Variants in ANO3 observed in about 807,000 individuals in gnomAD.
ANO3 encodes anoctamin-3.
A neutral mutation model predicts 144.8 loss-of-function variants in ANO3; 99 were observed. The ratio of observed to expected loss-of-function variants is 0.68; its 90% CI spans 0.58 to 0.81. ANO3 has a LOEUF of 0.81. Ranked by LOEUF, ANO3 falls within the 30% of genes least tolerant of loss-of-function variation. The pLI is 0.00. For missense variants in ANO3, 905 were observed against 1,202.2 expected, an observed-to-expected ratio of 0.75 and a Z score of 3.66; for synonymous variants, 414 against 392.6, an observed-to-expected ratio of 1.05 and a Z score of -0.64.
In ANO3 at chr11:26,389,356, T is replaced by G. The variant is rs138859347; in HGVS notation, c.47-52562T>G. ...TTCTTCATCAATACAATGGGGATAT[T>G]AATCATAGGTACCTACCTTATAAGA... is the stretch of plus-strand genomic sequence containing the variant. On this transcript the variant is annotated intron_variant, in intron 1 of 26. Transcript: ENST00000256737. 2.3e-3 allele frequency among the ~76,000 whole-genome samples: 356 copies of G among 152,170 alleles called. No homozygotes were observed. In the Middle Eastern group the frequency reaches 0.024, roughly 10 times the overall value.
chr11:26,590,862 C>G (rs1013801618), intron 14 of ANO3, among the ~76,000 whole-genome samples: 1 of 152,008 alleles, frequency 6.6e-6, no homozygotes, highest in Non-Finnish European at 1.5e-5. Context: ...GTAACAAACA[C>G]GGACCAGAAG....
intron 1 of ANO3, among the ~76,000 whole-genome samples, chr11:26,382,092 C>A (rs1199143975): frequency 1.3e-5 from 2 of 152,076 alleles, no homozygotes; most frequent in African/African-American, 2.4e-5. Flanking sequence ...TATATGAAAT[C>A]TATCTATTAA....
At chr11:26,513,318 A>C (rs1202649718) in intron 5 of ANO3, among the ~76,000 whole-genome samples, 1 of 152,206 alleles carries the variant, frequency 6.6e-6, no homozygotes, top group Non-Finnish European at 1.5e-5. Flanking sequence ...TGTGAGAAGG[A>C]TAGGCCACTG....
At chr11:26,394,991 G>C (rs1457994404) in intron 1 of ANO3, among the ~76,000 whole-genome samples, 1 of 152,108 alleles carries the variant, frequency 6.6e-6, no homozygotes, top group Non-Finnish European at 1.5e-5. Flanking sequence ...TATCTTTTCA[G>C]AGACCTCTGG....
intron 1 of ANO3, among the ~76,000 whole-genome samples, chr11:26,404,768 A>G (rs1369644014): frequency 6.6e-6 from 1 of 151,808 alleles, no homozygotes; most frequent in Non-Finnish European, 1.5e-5. Context: ...GTGGAGAAAT[A>G]CAATAGCAGT....
intron 1 of ANO3, among the ~76,000 whole-genome samples, chr11:26,280,893 T>C (rs1336876635): frequency 6.6e-6 from 1 of 152,172 alleles, no homozygotes; most frequent in Admixed American, 6.5e-5. Context: ...ATAGATTTTA[T>C]AGCACAGCAA....
At chr11:26,533,868 G>A (rs977999583) in intron 8 of ANO3, among the ~76,000 whole-genome samples, 13 of 152,150 alleles carry the variant, frequency 8.5e-5, no homozygotes, top group African/African-American at 1.7e-4. Context: ...AACAGAAAAT[G>A]TCAGAAGTTG....
chr11:26,563,322 C>G, intron 14 of ANO3: 1 of 1,501,454 alleles, frequency 6.7e-7, no homozygotes, highest in South Asian at 1.3e-5. Context: ...GAACCGAACT[C>G]TATGCATGTG....
intron 1 of ANO3, among the ~76,000 whole-genome samples, chr11:26,296,001 G>A (rs550427988): frequency 1.3e-5 from 2 of 152,298 alleles, no homozygotes; most frequent in South Asian, 2.1e-4. Flanking sequence ...AGAGGGGAAT[G>A]GTTGCAATAG....
intron 1 of ANO3, among the ~76,000 whole-genome samples, chr11:26,301,408 T>A (rs1011113686): frequency 1.2e-4 from 19 of 152,208 alleles, no homozygotes; most frequent in Non-Finnish European, 2.6e-4. Context: ...AATTTTAAAA[T>A]AGCAGCATAA....
intron 1 of ANO3, among the ~76,000 whole-genome samples, chr11:26,304,359 C>G (rs963511856): frequency 9.2e-5 from 14 of 151,986 alleles, no homozygotes; most frequent in Non-Finnish European, 1.9e-4. Context: ...TAACTAGGAC[C>G]TAGTGAGGAG....
intron 1 of ANO3, among the ~76,000 whole-genome samples, chr11:26,348,286 G>A (rs1590281000): frequency 1.3e-5 from 2 of 152,060 alleles, no homozygotes; most frequent in African/African-American, 4.8e-5. Context: ...GATACTTTTT[G>A]TCAAATAGAA....
At chr11:26,455,202 T>C (rs1393988381) in intron 3 of ANO3, among the ~76,000 whole-genome samples, 2 of 150,212 alleles carry the variant, frequency 1.3e-5, no homozygotes, top group African/African-American at 2.4e-5. Context: ...CTATTCAACA[T>C]AGTGTTGGAA....
chr11:26,329,052 A>T (rs561403066), upstream of ANO3, among the ~76,000 whole-genome samples: 1 of 152,198 alleles, frequency 6.6e-6, no homozygotes, highest in African/African-American at 2.4e-5. Flanking sequence ...CATGTCATTA[A>T]AATTTGGAGA....
chr11:26,587,106 C>T (rs911237302), intron 14 of ANO3, among the ~76,000 whole-genome samples: 2 of 152,078 alleles, frequency 1.3e-5, no homozygotes, highest in African/African-American at 2.4e-5. Context: ...AGAACAGTCA[C>T]TGAATTGAGA....
chr11:26,372,017 T>C (rs2133939234), intron 1 of ANO3, among the ~76,000 whole-genome samples: 1 of 152,266 alleles, frequency 6.6e-6, no homozygotes, highest in Admixed American at 6.5e-5. Flanking sequence ...AACATGAGAT[T>C]TGGGAGGGAC....
intron 1 of ANO3, among the ~76,000 whole-genome samples, chr11:26,376,989 C>G (rs1856431417): frequency 1.3e-5 from 2 of 152,018 alleles, no homozygotes; most frequent in African/African-American, 4.8e-5. Flanking sequence ...GGCTGTGGCT[C>G]AGTGAGGAGA....
chr11:26,583,664 C>T (rs1246462304), intron 14 of ANO3, among the ~76,000 whole-genome samples: 1 of 152,232 alleles, frequency 6.6e-6, no homozygotes, highest in African/African-American at 2.4e-5. Flanking sequence ...ATATTCATGG[C>T]ACTTTTGCCA....
At position 26,486,890 on chromosome 11, in the gene ANO3, G is replaced by A. The variant is rs547195233; in HGVS notation, c.433-21214G>A. Reference sequence around the variant, plus strand: ...GCTGTTAGGAATGGAGGCTTTTAGAGGAAGAAAGGTAGCATTAACCAAACG... The same window carrying A: ...GCTGTTAGGAATGGAGGCTTTTAGAAGAAGAAAGGTAGCATTAACCAAACG... On this transcript the variant is annotated intron_variant, in intron 4 of 26. Coordinates refer to ENST00000256737, the MANE Select transcript of ANO3 (RefSeq NM_031418.4). 2.0e-5 allele frequency among the ~76,000 whole-genome samples: 3 copies of A among 152,184 alleles called. No individual in the cohort carries two copies. In the South Asian group the frequency reaches 6.2e-4, roughly 32 times the overall value.
Sources: gnomAD v4.1 joint callset for allele counts (sites outside exome capture counted in the v4.1 genomes callset) on GRCh38, gnomAD v4.1.1 for gene constraint, MANE v1.5 for transcripts, NCBI Gene and HGNC (gene_info 2026-07-23, HGNC 2026-07-21) for gene names.